CAP2: variants seen among roughly 807,000 people sequenced by gnomAD.
CAP2 encodes the protein adenylyl cyclase-associated protein 2.
CAP2 carries 24 observed loss-of-function variants against 57.7 expected under a neutral mutation model. The ratio of observed to expected loss-of-function variants is 0.42; its 90% CI spans 0.30 to 0.58. CAP2 has a LOEUF of 0.58. Ranked by LOEUF, CAP2 falls within the 20% of genes least tolerant of loss-of-function variation. The pLI, the probability that CAP2 is intolerant of heterozygous loss-of-function variation, is 0.22. For synonymous variants in CAP2, 194 were observed against 207.2 expected (o/e 0.94, Z 0.55); for missense variants, 501 against 590.3 (o/e 0.85, Z 1.57).
chr6:17,511,640 G>A (rs1015160982), intron 6 of CAP2, among the ~76,000 whole-genome samples: 6 of 152,108 alleles, frequency 3.9e-5, no homozygotes, highest in Non-Finnish European at 7.3e-5. Context: ...TTTTAGTGGA[G>A]ACGGAGTTTC....
At chr6:17,426,296 G>A (rs1049640168) in intron 2 of CAP2, among the ~76,000 whole-genome samples, 1 of 147,404 alleles carries the variant, frequency 6.8e-6, no homozygotes, top group Non-Finnish European at 1.5e-5. Flanking sequence ...GCAGTGGCGC[G>A]ATCTCGACTC....
chr6:17,457,554 A>G (rs1231386160), intron 3 of CAP2, among the ~76,000 whole-genome samples: 1 of 152,266 alleles, frequency 6.6e-6, no homozygotes, highest in Non-Finnish European at 1.5e-5. Flanking sequence ...TCTGCTAATT[A>G]TGCCCAGAGT....
rs1171497720 is a variant in CAP2 at position 17,556,896 on chromosome 6, T to C, written c.*454T>C. The C allele has an allele frequency of 6.2e-6, 1 of 160,320 alleles. No individual in the cohort carries two copies. Among genetic ancestry groups the C allele is most frequent in the Non-Finnish European group, 1.4e-5 (1 of 73,014 alleles). The allele number at this position is 160,320 out of a possible 1,614,324, so 9.9% of individuals were successfully genotyped here. ...TAGTGTGCCCTGAAAAATGTACACG[T>C]TTTTTCTTATTGTTACCACATGTTC... On this transcript the variant is annotated 3_prime_UTR_variant, in exon 13 of 13. Transcript: ENST00000229922.
At chr6:17,435,560 T>G (rs1466428652) in intron 3 of CAP2, among the ~76,000 whole-genome samples, 1 of 118,148 alleles carries the variant, frequency 8.5e-6, no homozygotes, top group Non-Finnish European at 1.7e-5. Context: ...AGGGATAGCA[T>G]TGGGAGATAT....
At chr6:17,505,296 T>G (rs1581577218) in intron 4 of CAP2, among the ~76,000 whole-genome samples, 1 of 152,190 alleles carries the variant, frequency 6.6e-6, no homozygotes, top group African/African-American at 2.4e-5. Context: ...TATAAAGGGG[T>G]TTAGAAGGAG....
intron 4 of CAP2, among the ~76,000 whole-genome samples, chr6:17,471,897 C>T (rs1399831177): frequency 7.2e-5 from 11 of 152,248 alleles, no homozygotes; most frequent in Non-Finnish European, 8.8e-5. Flanking sequence ...GCCATTTAGC[C>T]GTGGTATTTC....
At chr6:17,454,223 A>G (rs1001730653) in intron 3 of CAP2, among the ~76,000 whole-genome samples, 1 of 151,968 alleles carries the variant, frequency 6.6e-6, no homozygotes, top group African/African-American at 2.4e-5. Context: ...GGCTCCTTCA[A>G]GCAGATCCCT....
chr6:17,488,408 C>T (rs1038286911), intron 4 of CAP2, among the ~76,000 whole-genome samples: 1 of 152,198 alleles, frequency 6.6e-6, no homozygotes, highest in Non-Finnish European at 1.5e-5. Context: ...GCCTCACAAG[C>T]CCTCGATGGC....
intron 1 of CAP2, among the ~76,000 whole-genome samples, chr6:17,409,436 G>A (rs1759080544): frequency 6.6e-6 from 1 of 152,058 alleles, no homozygotes; most frequent in Admixed American, 6.5e-5. Flanking sequence ...AGAGGAGGTA[G>A]TAACACTTAC....
chr6:17,408,685 G>A (rs112129611), intron 1 of CAP2, among the ~76,000 whole-genome samples: 13,051 of 128,002 alleles, frequency 0.1, 2,286 homozygotes, highest in African/African-American at 0.37. Flanking sequence ...TTTTTGAGAC[G>A]GAGTCTCACT....
chr6:17,454,832 G>C (rs989170808), intron 3 of CAP2, among the ~76,000 whole-genome samples: 3 of 152,186 alleles, frequency 2.0e-5, no homozygotes, highest in Non-Finnish European at 4.4e-5. Flanking sequence ...GGCAATAAAA[G>C]AGAACTTGGA....
At chr6:17,455,697 G>A (rs776517448) in intron 3 of CAP2, among the ~76,000 whole-genome samples, 96 of 152,098 alleles carry the variant, frequency 6.3e-4, no homozygotes, top group African/African-American at 1.8e-3. Flanking sequence ...CACCATGCCC[G>A]GCTAATTTTT....
chr6:17,467,426 C>T (rs758453169), intron 4 of CAP2, among the ~76,000 whole-genome samples: 1 of 152,192 alleles, frequency 6.6e-6, no homozygotes. Flanking sequence ...TGATTCGATA[C>T]AGGCATGCTA....
intron 7 of CAP2, among the ~76,000 whole-genome samples, chr6:17,519,870 G>C (rs1231051452): frequency 6.6e-6 from 1 of 152,152 alleles, no homozygotes; most frequent in Admixed American, 6.5e-5. Context: ...ATTCTGCTCA[G>C]ATAAAGGTCA....
rs1042775267 is a variant in CAP2, at chr6:17,537,237, GGTACAGTGGC to G, written c.637-2029_637-2020del. Among the ~76,000 whole-genome samples the G allele has an allele frequency of 4.5e-4, 69 of 151,998 alleles. 1 individual carries two copies. Among genetic ancestry groups the G allele is most frequent in the African/African-American group, 1.5e-3 (64 of 41,440 alleles). ...TCTCACTCTCTGTTTTCCAGGCTGG[GGTACAGTGGC>G]GTGATCTCAACTCACTGCAACCTCT... On this transcript the variant is annotated intron_variant, in intron 7 of 12. Transcript: ENST00000229922.
chr6:17,509,853 T>C (rs1033358627), intron 6 of CAP2, among the ~76,000 whole-genome samples: 1 of 152,014 alleles, frequency 6.6e-6, no homozygotes, highest in South Asian at 2.1e-4. Flanking sequence ...TAAAACATGG[T>C]ATATCCACAC....
chr6:17,523,816 T>C (rs989890462), intron 7 of CAP2, among the ~76,000 whole-genome samples: 18 of 152,160 alleles, frequency 1.2e-4, no homozygotes, highest in Non-Finnish European at 2.6e-4. Flanking sequence ...TAAAATGTTT[T>C]TGTAATCAAA....
intron 12 of CAP2, among the ~76,000 whole-genome samples, chr6:17,553,644 A>AAT (rs1763225027): frequency 1.3e-5 from 2 of 151,876 alleles, no homozygotes; most frequent in African/African-American, 4.8e-5. Flanking sequence ...AAAAAAAAAA[A>AAT]AAAACAAGAT....
chr6:17,452,103 C>G (rs918962018), intron 3 of CAP2, among the ~76,000 whole-genome samples: 6 of 152,184 alleles, frequency 3.9e-5, no homozygotes, highest in Non-Finnish European at 8.8e-5. Flanking sequence ...TCTGTGCTGA[C>G]TGTGTGTGTA....
Sources: gnomAD v4.1 joint callset for allele counts (sites outside exome capture counted in the v4.1 genomes callset) on GRCh38, gnomAD v4.1.1 for gene constraint, MANE v1.5 for transcripts, NCBI Gene and HGNC (gene_info 2026-07-23, HGNC 2026-07-21) for gene names.